The following FOXP1 variants were observed in gnomAD, a reference collection of about 807,000 sequenced individuals.
FOXP1 encodes the protein forkhead box protein P1.
Under a neutral mutation model 98.2 loss-of-function variants are expected in FOXP1, and 15 were observed. That is an observed-to-expected ratio of 0.15 (90% CI 0.10 to 0.24). The LOEUF is 0.24. FOXP1 is among the 10% of genes least tolerant of loss of function. The pLI is 1.00. For missense variants in FOXP1, 633 were observed against 848.5 expected (o/e 0.75, Z 3.15); for synonymous variants, 371 against 314.5 (o/e 1.18, Z -1.90).
At chr3:70,962,961 C>T (rs1228589484) in intron 20 of FOXP1, among the ~76,000 whole-genome samples, 3 of 152,208 alleles carry the variant, frequency 2.0e-5, no homozygotes, top group Non-Finnish European at 4.4e-5. Context: ...TTTCGTTTAC[C>T]TAATTATCCT....
At chr3:71,021,550 T>C (rs572763639) in intron 11 of FOXP1, among the ~76,000 whole-genome samples, 71 of 152,340 alleles carry the variant, frequency 4.7e-4, no homozygotes, top group African/African-American at 1.6e-3. Flanking sequence ...AGGGGATATC[T>C]ACCTAGAAGT....
intron 12 of FOXP1, among the ~76,000 whole-genome samples, chr3:71,007,328 G>C (rs1453583458): frequency 1.3e-5 from 2 of 152,058 alleles, no homozygotes; most frequent in Non-Finnish European, 2.9e-5. Flanking sequence ...CACAATTATA[G>C]ACAGCTATTC....
chr3:71,405,220 T>C (rs775667748), intron 3 of FOXP1, among the ~76,000 whole-genome samples: 2 of 152,162 alleles, frequency 1.3e-5, no homozygotes, highest in Non-Finnish European at 2.9e-5. Flanking sequence ...GGAAGAGTGG[T>C]TGGCCTTTTC....
chr3:71,246,798 G>A (rs1259924050), intron 5 of FOXP1, among the ~76,000 whole-genome samples: 1 of 152,146 alleles, frequency 6.6e-6, no homozygotes, highest in Non-Finnish European at 1.5e-5. Context: ...ACTCGTCTCC[G>A]TCACTCTTCA....
intron 7 of FOXP1, among the ~76,000 whole-genome samples, chr3:71,084,164 A>G (rs946865295): frequency 2.0e-5 from 3 of 152,166 alleles, no homozygotes; most frequent in Non-Finnish European, 2.9e-5. Context: ...ATTTCTTTCA[A>G]GGGTATGCCT....
At chr3:71,108,837 C>T (rs2057668228) in intron 7 of FOXP1, among the ~76,000 whole-genome samples, 1 of 152,180 alleles carries the variant, frequency 6.6e-6, no homozygotes, top group Non-Finnish European at 1.5e-5. Flanking sequence ...AATTTGTTTA[C>T]AACTCATAAG....
At chr3:71,302,923 G>GGACTGTTA (rs2073970960) in intron 4 of FOXP1, 2 of 151,956 alleles carry the variant, frequency 1.3e-5, no homozygotes, top group African/African-American at 4.8e-5. Context: ...TCCCTAATTA[G>GGACTGTTA]GACTGTTATT....
At chr3:71,023,682 T>C (rs1299845877) in intron 11 of FOXP1, among the ~76,000 whole-genome samples, 1 of 152,190 alleles carries the variant, frequency 6.6e-6, no homozygotes, top group Non-Finnish European at 1.5e-5. Flanking sequence ...CCGAACCATA[T>C]CATGTACTTC....
intron 4 of FOXP1, among the ~76,000 whole-genome samples, chr3:71,322,088 A>C (rs142286876): frequency 7.9e-5 from 12 of 152,356 alleles, no homozygotes; most frequent in South Asian, 2.1e-4. Context: ...AGGTGTATAA[A>C]CTACAAAAGA....
chr3:70,973,105 T>C (rs1308811094), intron 17 of FOXP1, among the ~76,000 whole-genome samples: 1 of 152,194 alleles, frequency 6.6e-6, no homozygotes, highest in Non-Finnish European at 1.5e-5. Flanking sequence ...TACTGCTAAA[T>C]ACAGTTTTGT....
intron 5 of FOXP1, among the ~76,000 whole-genome samples, chr3:71,285,953 A>G (rs562589523): frequency 6.6e-6 from 1 of 152,332 alleles, no homozygotes; most frequent in Admixed American, 6.5e-5. Flanking sequence ...ATCACTTCAC[A>G]ATAGGGATAG....
intron 4 of FOXP1, among the ~76,000 whole-genome samples, chr3:71,345,998 C>A (rs76820531): frequency 1.3e-5 from 2 of 151,022 alleles, no homozygotes; most frequent in Admixed American, 6.7e-5. Context: ...TCAGAGAGAG[C>A]CGAAGAAAAA....
chr3:71,528,798 C>T (rs2043597426), intron 2 of FOXP1, among the ~76,000 whole-genome samples: 2 of 152,208 alleles, frequency 1.3e-5, no homozygotes, highest in Admixed American at 1.3e-4. Flanking sequence ...TCACTCAGAA[C>T]TTCAAAGACA....
intron 7 of FOXP1, among the ~76,000 whole-genome samples, chr3:71,097,293 G>A (rs900573481): frequency 5.3e-5 from 8 of 152,150 alleles, no homozygotes; most frequent in Admixed American, 4.6e-4. Flanking sequence ...ATACTTCAGT[G>A]TCCACAAATG....
At chr3:71,039,333 TCAAA>T (rs1195792778) in intron 11 of FOXP1, among the ~76,000 whole-genome samples, 1 of 152,108 alleles carries the variant, frequency 6.6e-6, no homozygotes, top group East Asian at 1.9e-4. Context: ...AAAAAAAAAT[TCAAA>T]CAAACTTAGT....
chr3:70,970,047 C>G (rs1024610815), intron 19 of FOXP1: 2 of 152,338 alleles, frequency 1.3e-5, no homozygotes, highest in Non-Finnish European at 2.9e-5. Context: ...CCTCAGGTAG[C>G]TCCTTTTTGG....
At chr3:71,439,346 T>C (rs1314372739) in intron 3 of FOXP1, among the ~76,000 whole-genome samples, 2 of 152,200 alleles carry the variant, frequency 1.3e-5, no homozygotes, top group African/African-American at 4.8e-5. Context: ...GTAGCAGTGA[T>C]GTAATGAAAA....
intron 6 of FOXP1, among the ~76,000 whole-genome samples, chr3:71,140,586 C>G (rs565753655): frequency 6.6e-5 from 10 of 152,284 alleles, no homozygotes; most frequent in Non-Finnish European, 1.3e-4. Context: ...TTATGTCAGG[C>G]ATTTGTATTC....
chr3:71,338,419 C>A (rs2076815338), intron 4 of FOXP1, among the ~76,000 whole-genome samples: 1 of 152,174 alleles, frequency 6.6e-6, no homozygotes, highest in Non-Finnish European at 1.5e-5. Flanking sequence ...GCCTTTCCAA[C>A]CCGAGTCTTT....
Sources: gnomAD v4.1 joint callset for allele counts (sites outside exome capture counted in the v4.1 genomes callset) on GRCh38, gnomAD v4.1.1 for gene constraint, MANE v1.5 for transcripts, NCBI Gene and HGNC (gene_info 2026-07-23, HGNC 2026-07-21) for gene names.